The following IRF7 variants were observed in gnomAD, a reference collection of about 807,000 sequenced individuals.
The protein encoded by IRF7 is interferon regulatory factor-7H.
IRF7 carries 67 observed loss-of-function variants against 51.3 expected under a neutral mutation model. That is an observed-to-expected ratio of 1.31 (90% CI 1.07 to 1.60). IRF7 has a LOEUF of 1.60. IRF7 is among the 40% of genes most tolerant of loss of function. The pLI, the probability that IRF7 is intolerant of heterozygous loss-of-function variation, is 0.00. For missense variants in IRF7, 873 were observed against 701.5 expected (o/e 1.24, Z -2.76); for synonymous variants, 427 against 301.3 (o/e 1.42, Z -4.32).
Position 613,115 on chromosome 11 carries a change from G to C in IRF7, c.1240C>G (p.Leu414Val), listed in dbSNP as rs138601170. 1.9e-6 allele frequency: 3 copies of C among 1,612,886 alleles called. No homozygotes were observed. The highest frequency in any genetic ancestry group is 2.5e-6 in the Non-Finnish European group (3 of 1,179,872). The change falls in exon 10 of 11, where the codon CTG (leucine) becomes GTG (valine). Residue 414 changes from leucine to valine, a missense_variant and splice_region_variant. By Grantham distance (32) the Leu-to-Val change is conservative (BLOSUM62 1). Coordinates refer to ENST00000525445, the MANE Select transcript of IRF7 (RefSeq NM_001572.5). ...IFDFRVFFQELVEFRARQRRG... is the reference protein window; with the variant it reads ...IFDFRVFFQEVVEFRARQRRG... ...CGCTGCCGTGCCCGGAATTCCACCA[G>C]CTCTGAAGAAGGGGACTCTGCTGAG...
chr11:613,171 C>G (rs993328518), intron 9 of IRF7, 35 bp downstream of exon 9: 4 of 1,597,622 alleles, frequency 2.5e-6, no homozygotes, highest in Non-Finnish European at 2.6e-6. Context: ...CCAAGGACCC[C>G]TGGAGACAGC....
chr11:614,528 G>A lies in IRF7; in HGVS notation c.401C>T (p.Pro134Leu). 1 of 1,553,866 alleles carries A rather than the reference G, an allele frequency of 6.4e-7. No homozygotes were observed. The highest frequency in any genetic ancestry group is 8.7e-7 in the Non-Finnish European group (1 of 1,148,384). Reference protein sequence around the residue: ...LSRELCWREGPGTDQTEAEAP... With the variant: ...LSRELCWREGLGTDQTEAEAP... ...CTCTGCCTCAGTCTGGTCCGTGCCT[G>A]GGCCTTCTGAGAGAGAATGGGGCAG... is the stretch of plus-strand genomic sequence containing the variant. The change falls in exon 5 of 11, where the codon CCA becomes CTA. Residue 134 changes from proline (P) to leucine (L), a missense_variant. Transcript: ENST00000525445.
rs768506520 is a variant in IRF7, at chr11:615,344, C to A, written c.20+1G>T. 3.9e-6 allele frequency: 6 copies of A among 1,534,120 alleles called. No individual in the cohort carries two copies. The African/African-American group carries it at 8.2e-5, about 21-fold the overall frequency. On this transcript the variant is annotated splice_donor_variant, in intron 2 of 10. Transcript: ENST00000525445. LOFTEE classifies it high-confidence loss of function. ...CTGGAGAGGGTGGGCCGGGCTCTTA[C>A]CTCTCAGGAGCCAAGGCCATTGCTC...
In IRF7 at chr11:612,667, A is replaced by G. The variant is rs1298847378; in HGVS notation, c.1490T>C (p.Met497Thr). Residue 497 changes from methionine to threonine, a missense_variant, in exon 11 of 11, where the codon ATG (methionine) becomes ACG (threonine). Met to Thr is a moderately conservative substitution (Grantham distance 81). Transcript: ENST00000525445. The stretch of plus-strand genomic sequence containing the variant: ...GTTCTAGGCGGGCTGCTCCAGCTCC[A>G]TAAGGAAGCACTCGATGTCGTCATA... ...SLYDDIECFLMELEQPA is the reference protein window; with the variant it reads ...SLYDDIECFLTELEQPA 1 of 1,613,146 alleles carries G rather than the reference A, an allele frequency of 6.2e-7. No individual in the cohort carries two copies. The highest frequency in any genetic ancestry group is 8.5e-7 in the Non-Finnish European group (1 of 1,180,000).
Position 613,933 on chromosome 11 carries a change from A to AACCCCT in IRF7, c.766+12_766+17dup. 1.9e-6 allele frequency: 3 copies of AACCCCT among 1,604,172 alleles called. No homozygotes were observed. Among genetic ancestry groups the AACCCCT allele is most frequent in the Non-Finnish European group, 2.5e-6 (3 of 1,176,774 alleles). On this transcript the variant is annotated intron_variant, in intron 7 of 10. Transcript: ENST00000525445. ...CCTCTCCCTGTGCCCCAGGCCTCCC[A>AACCCCT]ACCCCTACCCCTCTCACCTGTCGTT...
In IRF7 at chr11:613,311, A is replaced by G. The variant is rs1267623449; in HGVS notation, c.1132T>C (p.Trp378Arg). 1.2e-6 allele frequency: 2 copies of G among 1,611,672 alleles called. No homozygotes were observed. The highest frequency in any genetic ancestry group is 1.7e-5 in the Admixed American group (1 of 59,856). Residue 378 changes from tryptophan to arginine, a missense_variant, in exon 9 of 11, where the codon TGG becomes CGG. Coordinates refer to ENST00000525445, the MANE Select transcript of IRF7 (RefSeq NM_001572.5). ...GAGCCTGGGGGTCCGCCCACCTCCC[A>G]GTACACCTTGCACTTGCCCATGCGC... is the stretch of plus-strand genomic sequence containing the variant. ...ARRMGKCKVY[W>R]EVGGPPGSAS...
rs368825184 is a variant in IRF7 at position 612,992 on chromosome 11, G to T, written c.1356+7C>A. The T allele has an allele frequency of 1.9e-6, 3 of 1,612,364 alleles. No individual in the cohort carries two copies. The highest frequency in any genetic ancestry group is 1.1e-5 in the South Asian group (1 of 91,070). On this transcript the variant is annotated splice_region_variant and intron_variant, in intron 10 of 10. Coordinates refer to ENST00000525445, the MANE Select transcript of IRF7 (RefSeq NM_001572.5). ...ATGGCCTCCCCTCCTTGAGGCTCTG[G>T]TCTCACCTTCACCAGGACCAGGCTC...
Position 615,167 on chromosome 11 carries a change from G to A in IRF7, c.113C>T (p.Thr38Ile). Residue 38 changes from threonine (T) to isoleucine (I), a missense_variant, in exon 3 of 11, where the codon ACC (threonine) becomes ATC (isoleucine). Physicochemically the swap from Thr to Ile is moderately conservative, Grantham distance 89. Coordinates refer to ENST00000525445, the MANE Select transcript of IRF7 (RefSeq NM_001572.5). Reference protein sequence around the residue: ...EGLQWLDEARTCFRVPWKHFA... With the variant: ...EGLQWLDEARICFRVPWKHFA... The stretch of plus-strand genomic sequence containing the variant: ...GTGCTTCCAGGGCACGCGGAAACAG[G>A]TGCGGGCCTCGTCCAGCCACTGCAG... 1.2e-6 allele frequency: 2 copies of A among 1,604,334 alleles called. No individual in the cohort carries two copies. The highest frequency in any genetic ancestry group is 1.7e-6 in the Non-Finnish European group (2 of 1,179,114).
intron 1 of IRF7, 36 bp from the exon 2 acceptor site, chr11:615,683 C>G (rs1269507019): frequency 2.6e-6 from 1 of 390,458 alleles, no homozygotes; most frequent in Non-Finnish European, 4.5e-6. Context: ...AGGGGCGGGT[C>G]AGGCTCCCGG....
In IRF7 at chr11:615,234, C is replaced by T. The variant is rs748516995; in HGVS notation, c.46G>A (p.Glu16Lys). 30 of 1,590,714 alleles carry T rather than the reference C, an allele frequency of 1.9e-5. No homozygotes were observed. In the East Asian group the frequency reaches 2.3e-4, roughly 12 times the overall value. Residue 16 changes from glutamate to lysine, a missense_variant, in exon 3 of 11, where the codon GAG becomes AAG. Transcript: ENST00000525445. The stretch of plus-strand genomic sequence containing the variant: ...CTGCTGATCTCTCCAAGGAGCCACT[C>T]TCCGAACAGCACGCGTGGGGCTGCC... ...ERAAPRVLFG[E>K]WLLGEISSGC...
Position 614,874 on chromosome 11 carries a change from A to T in IRF7, c.317T>A (p.Val106Glu), listed in dbSNP as rs376350717. The T allele has an allele frequency of 9.2e-5, 145 of 1,578,572 alleles. 1 individual carries two copies. In the African/African-American group the frequency reaches 1.7e-3, roughly 19 times the overall value. Reference sequence around the variant, plus strand: ...GTCCCCCGAGTTATCCCGCAGCATCACGAAGCGACGCGTGCTGCGCAGTGC... The same window carrying T: ...GTCCCCCGAGTTATCCCGCAGCATCTCGAAGCGACGCGTGCTGCGCAGTGC... ...RCALRSTRRF[V>E]MLRDNSGDPA... Residue 106 changes from valine (V) to glutamate (E), a missense_variant, in exon 4 of 11, where the codon GTG (valine) becomes GAG (glutamate). Transcript: ENST00000525445.
Position 614,784 on chromosome 11 carries a change from C to A in IRF7, c.394+13G>T. ...GACGAATGCCAACGCCCTTGGCAGC[C>A]GGCGTCGCTCACCTCGCCAGCACAG... On this transcript the variant is annotated intron_variant, in intron 4 of 10. Transcript: ENST00000525445. 2.6e-6 allele frequency: 4 copies of A among 1,528,212 alleles called. No individual in the cohort carries two copies. The highest frequency in any genetic ancestry group is 3.5e-6 in the Non-Finnish European group (4 of 1,137,362). The allele number at this position is 1,528,212 out of a possible 1,614,324, so 94.7% of individuals were successfully genotyped here. A position where few individuals can be genotyped will look rare whatever the true frequency, so the allele number is the denominator to read the frequency against.
Position 614,297 on chromosome 11 carries a change from C to T in IRF7, c.556G>A (p.Ala186Thr), listed in dbSNP as rs1309745846. The T allele has an allele frequency of 1.9e-6, 3 of 1,612,026 alleles. No individual in the cohort carries two copies. The highest frequency in any genetic ancestry group is 1.3e-5 in the African/African-American group (1 of 75,024). Residue 186 changes from alanine to threonine, a missense_variant, in exon 6 of 11, where the codon GCA becomes ACA. Physicochemically the swap from Ala to Thr is moderately conservative, Grantham distance 58. Transcript: ENST00000525445. ...AGDKGDLLLQ[A>T]VQQSCLADHL... The stretch of plus-strand genomic sequence containing the variant: ...TCTGCCAGGCAGCTCTGTTGCACTG[C>T]CTGGAGCAGGAGGTCCCCCTTGTCA...
rs1201690026 is a variant in IRF7 at position 614,021 on chromosome 11, A to C, written c.696T>G (p.Ala232=). The change falls in exon 7 of 11, where the codon GCT becomes GCG. Residue 232 remains alanine, a synonymous_variant. Transcript: ENST00000525445. Reference sequence around the variant, plus strand: ...CTACTGCCCACCCGTACAGCTCCCCAGCAGGGAGCCCTGGGCCTGAGGAGG... The same window carrying C: ...CTACTGCCCACCCGTACAGCTCCCCCGCAGGGAGCCCTGGGCCTGAGGAGG... ...GACAGGPGLP[A]GELYGWAVET... The C allele has an allele frequency of 6.2e-7, 1 of 1,608,680 alleles. No homozygotes were observed. The highest frequency in any genetic ancestry group is 1.7e-5 in the Admixed American group (1 of 59,660).
In IRF7 at chr11:615,342, T is replaced by TACCTCTC; in HGVS notation, c.16_20+2dup. 6.5e-7 allele frequency: 1 copy of TACCTCTC among 1,537,148 alleles called. No homozygotes were observed. Among genetic ancestry groups the TACCTCTC allele is most frequent in the Non-Finnish European group, 8.7e-7 (1 of 1,146,968 alleles). On this transcript the variant is annotated splice_region_variant and intron_variant, in intron 2 of 10. Transcript: ENST00000525445. The stretch of plus-strand genomic sequence containing the variant: ...ATCTGGAGAGGGTGGGCCGGGCTCT[T>TACCTCTC]ACCTCTCAGGAGCCAAGGCCATTGC...
At chr11:614,430 A>G in intron 5 of IRF7, 31 bp from the exon 6 acceptor site, 1 of 1,584,290 alleles carries the variant, frequency 6.3e-7, no homozygotes. Context: ...GAACGTAAGC[A>G]GCTCCGCGGC....
Position 614,470 on chromosome 11 carries a change from G to GGT in IRF7, c.453+5_453+6insAC. The GGT allele has an allele frequency of 6.4e-7, 1 of 1,567,214 alleles. No homozygotes were observed. Among genetic ancestry groups the GGT allele is most frequent in the South Asian group, 1.2e-5 (1 of 85,592 alleles). On this transcript the variant is annotated splice_donor_region_variant and intron_variant, in intron 5 of 10. Coordinates refer to ENST00000525445, the MANE Select transcript of IRF7 (RefSeq NM_001572.5). ...CAGGAGGAGAGGCAGGCAGAGAGAA[G>GGT]GGTACCTGTGGTGGTGGGACAGCTG...
Position 613,887 on chromosome 11 carries a change from G to A in IRF7, c.767-22C>T, listed in dbSNP as rs778407346. On this transcript the variant is annotated intron_variant, in intron 7 of 10. Coordinates refer to ENST00000525445, the MANE Select transcript of IRF7 (RefSeq NM_001572.5). Reference sequence around the variant, plus strand: ...TCGCCTGCATCCGGAAGGGAATCCTGTGCTGGCACCTCATCCCTAGCCTCT... The same window carrying A: ...TCGCCTGCATCCGGAAGGGAATCCTATGCTGGCACCTCATCCCTAGCCTCT... The A allele has an allele frequency of 1.4e-5, 23 of 1,598,908 alleles. No individual in the cohort carries two copies. In the South Asian group the frequency reaches 2.0e-4, roughly 14 times the overall value.
intron 4 of IRF7, 99 bp downstream of exon 4, chr11:614,698 C>G (rs1856715803): frequency 7.0e-7 from 1 of 1,421,888 alleles, no homozygotes; most frequent in South Asian, 1.3e-5. Flanking sequence ...GGCAGCCTCT[C>G]CCAGAACAGC....
Sources: allele counts gnomAD v4.1 joint callset, GRCh38; gene constraint gnomAD v4.1.1; transcripts MANE v1.5; gene names NCBI Gene and HGNC (gene_info 2026-07-23, HGNC 2026-07-21).